The following ATP13A5 variants were observed in gnomAD, a reference collection of about 807,000 sequenced individuals.
ATP13A5 encodes the protein probable cation-transporting ATPase 13A5.
In ATP13A5, 149 loss-of-function variants were observed where a neutral mutation model predicts 150.2. The ratio of observed to expected loss-of-function variants is 0.99; its 90% confidence interval spans 0.87 to 1.14. The LOEUF (loss-of-function observed/expected upper bound fraction) is 1.14, where lower values mean the gene tolerates loss of function less well. Among genes scored for constraint, ATP13A5 ranks in the 50% most tolerant of loss-of-function variants. The probability of loss-of-function intolerance (pLI) is 0.00; values close to 1 mark genes in which losing one functional copy is unlikely to be tolerated. For missense variants in ATP13A5, 1,383 were observed against 1,449.3 expected (o/e 0.95, Z 0.74); for synonymous variants, 497 against 522.2 (o/e 0.95, Z 0.66).
chr3:193,344,712 G>T (rs903075898), intron 8 of ATP13A5, among the ~76,000 whole-genome samples: 5 of 152,138 alleles, frequency 3.3e-5, no homozygotes, highest in African/African-American at 4.8e-5. Flanking sequence ...CCCAGACATT[G>T]GGTAAGAATG....
rs747985085 is a variant in ATP13A5, at chr3:193,322,532, A to G, written c.1717T>C (p.Ser573Pro). Residue 573 changes from serine to proline, a missense_variant, in exon 15 of 30, where the codon TCA becomes CCA. Physicochemically the swap from Ser to Pro is moderately conservative, Grantham distance 74. Coordinates refer to ENST00000342358, the MANE Select transcript of ATP13A5 (RefSeq NM_198505.4). The stretch of plus-strand genomic sequence containing the variant: ...CCTGGTTTTATGATGTTTGAAACTG[A>G]CGTCCCAAATTTGCAGGAGTCTACA... ...CIVDSCKFGT[S>P]VSNIIKPGPK... 6.2e-7 allele frequency: 1 copy of G among 1,613,962 alleles called. No homozygotes were observed. The highest frequency in any genetic ancestry group is 1.1e-5 in the South Asian group (1 of 91,026).
intron 7 of ATP13A5, among the ~76,000 whole-genome samples, chr3:193,347,788 A>G (rs1221702891): frequency 6.6e-6 from 1 of 152,138 alleles, no homozygotes; most frequent in Non-Finnish European, 1.5e-5. Context: ...AATCCTTCTC[A>G]TAAAGGCCTA....
At chr3:193,378,567 G>T in intron 1 of ATP13A5, 96 bp downstream of exon 1, 1 of 1,103,958 alleles carries the variant, frequency 9.1e-7, no homozygotes, top group Non-Finnish European at 1.4e-6. Flanking sequence ...AAAGCCTGAA[G>T]CATAAATGCT....
chr3:193,341,332 G>T (rs1441991394), intron 9 of ATP13A5, among the ~76,000 whole-genome samples: 1 of 152,162 alleles, frequency 6.6e-6, no homozygotes, highest in Non-Finnish European at 1.5e-5. Flanking sequence ...TTTGATCATG[G>T]ATTGAGAGAC....
intron 25 of ATP13A5, among the ~76,000 whole-genome samples, chr3:193,295,798 G>A (rs1015622839): frequency 3.9e-5 from 6 of 152,082 alleles, no homozygotes; most frequent in South Asian, 2.1e-4. Flanking sequence ...TGCCTCATTC[G>A]CTGCATGCTG....
At chr3:193,291,343 G>A (rs1374289032) in intron 25 of ATP13A5, among the ~76,000 whole-genome samples, 2 of 152,112 alleles carry the variant, frequency 1.3e-5, no homozygotes, top group Non-Finnish European at 2.9e-5. Context: ...AGAGTTTGAA[G>A]TCCATGAAAG....
At chr3:193,334,896 T>C (rs1711789299) in intron 10 of ATP13A5, 33 bp downstream of exon 10, 1 of 1,587,676 alleles carries the variant, frequency 6.3e-7, no homozygotes, top group African/African-American at 1.3e-5. Flanking sequence ...TGTTCAAGCA[T>C]GAATTAAACT....
intron 1 of ATP13A5, among the ~76,000 whole-genome samples, chr3:193,374,309 G>C (rs577273093): frequency 0.038 from 5,515 of 146,170 alleles, 312 homozygotes; most frequent in African/African-American, 0.12. Context: ...CACAGAGAGA[G>C]AGAGAGGAAA....
chr3:193,332,775 T>C (rs1206652815), intron 11 of ATP13A5, among the ~76,000 whole-genome samples: 6 of 152,100 alleles, frequency 3.9e-5, no homozygotes, highest in African/African-American at 7.2e-5. Flanking sequence ...CCACAAGAAG[T>C]TGGGGTCTGG....
intron 9 of ATP13A5, among the ~76,000 whole-genome samples, chr3:193,338,209 T>C (rs561408225): frequency 2.2e-4 from 33 of 152,202 alleles, no homozygotes; most frequent in Admixed American, 5.2e-4. Context: ...CTTTTTCTAA[T>C]TGAATACCCT....
At chr3:193,325,145 C>T (rs375793674) in intron 13 of ATP13A5, 131 bp from the exon 14 acceptor site, 1 of 872,636 alleles carries the variant, frequency 1.1e-6, no homozygotes, top group Admixed American at 2.8e-5. Context: ...CCCTATGCTC[C>T]AAATGATAAA....
chr3:193,354,357 A>T (rs1044868919), intron 5 of ATP13A5, among the ~76,000 whole-genome samples, 161 bp from the exon 6 acceptor site: 3 of 152,188 alleles, frequency 2.0e-5, no homozygotes, highest in East Asian at 3.9e-4. Flanking sequence ...CTAAACTACT[A>T]TTTTTGAAAT....
At position 193,324,868 on chromosome 3, in the gene ATP13A5, G is replaced by C. The variant is rs1480869713; in HGVS notation, c.1670C>G (p.Ala557Gly). ...PLDLKMFEGTAWKMEDCIVDS... is the reference protein window; with the variant it reads ...PLDLKMFEGTGWKMEDCIVDS... ...TCCATTAAACTATCACCTTACCCAG[G>C]CAGTGCCCTCAAACATTTTGAGGTC... Residue 557 changes from alanine (A) to glycine (G), a missense_variant, in exon 14 of 30, where the codon GCC becomes GGC. Coordinates refer to ENST00000342358, the MANE Select transcript of ATP13A5 (RefSeq NM_198505.4). 1 of 1,613,692 alleles carries C rather than the reference G, an allele frequency of 6.2e-7. No individual in the cohort carries two copies. Among genetic ancestry groups the C allele is most frequent in the Non-Finnish European group, 8.5e-7 (1 of 1,179,840 alleles).
At chr3:193,373,959 T>A (rs1713542356) in intron 1 of ATP13A5, among the ~76,000 whole-genome samples, 1 of 152,180 alleles carries the variant, frequency 6.6e-6, no homozygotes, top group South Asian at 2.1e-4. Context: ...TTGGTGGGTG[T>A]CTGTGCAGAA....
intron 23 of ATP13A5, among the ~76,000 whole-genome samples, chr3:193,302,897 A>G (rs1718458220): frequency 6.6e-6 from 1 of 152,196 alleles, no homozygotes; most frequent in African/African-American, 2.4e-5. Context: ...TATGAAATAT[A>G]AAAGCAAGGA....
Position 193,289,887 on chromosome 3 carries a change from G to C in ATP13A5, c.3021C>G (p.Tyr1007Ter). ...QQPWYCEVYQ[Y>*]SECFLANQSN... is the part of the protein sequence containing the mutation. ...CAGCACTAAGAAAATGAACTTACCT[G>C]TATTGGTAGACCTCACAATACCAAG... The change falls in exon 26 of 30, where the codon TAC (tyrosine) becomes TAG (stop). Residue 1007 changes from tyrosine to a stop codon, truncating the protein, a stop_gained and splice_region_variant. Coordinates refer to ENST00000342358, the MANE Select transcript of ATP13A5 (RefSeq NM_198505.4). LOFTEE classifies it high-confidence loss of function. 3 of 1,599,534 alleles carry C rather than the reference G, an allele frequency of 1.9e-6. No homozygotes were observed. Among genetic ancestry groups the C allele is most frequent in the Non-Finnish European group, 2.6e-6 (3 of 1,174,302 alleles).
chr3:193,350,031 A>C (rs1712504075), intron 7 of ATP13A5, among the ~76,000 whole-genome samples: 1 of 152,092 alleles, frequency 6.6e-6, no homozygotes, highest in African/African-American at 2.4e-5. Context: ...TAGTTGAATA[A>C]ATTATGATAT....
intron 5 of ATP13A5, among the ~76,000 whole-genome samples, chr3:193,359,346 G>A (rs1046049338): frequency 1.3e-5 from 2 of 152,150 alleles, no homozygotes; most frequent in Non-Finnish European, 2.9e-5. Flanking sequence ...AGACTGAGGA[G>A]TAAGAGAGTA....
intron 21 of ATP13A5, 56 bp downstream of exon 21, chr3:193,310,582 A>G: frequency 2.2e-6 from 3 of 1,356,004 alleles, no homozygotes; most frequent in Non-Finnish European, 3.1e-6. Context: ...TGAATTATTG[A>G]CCCATAGGTA....
Sources: allele counts gnomAD v4.1 joint callset (sites outside exome capture counted in the v4.1 genomes callset), GRCh38; gene constraint gnomAD v4.1.1; transcripts MANE v1.5; gene names NCBI Gene and HGNC (gene_info 2026-07-23, HGNC 2026-07-21).